The following FAM186A variants were observed in gnomAD, a reference collection of about 807,000 sequenced individuals.
FAM186A encodes family with sequence similarity 186 member A.
In FAM186A, 163 loss-of-function variants were observed where a neutral mutation model predicts 216.8. The ratio of observed to expected loss-of-function variants is 0.75; its 90% CI spans 0.66 to 0.86. The LOEUF (loss-of-function observed/expected upper bound fraction) is 0.86, where lower values mean the gene tolerates loss of function less well. Among genes scored for constraint, FAM186A ranks in the 40% least tolerant of loss-of-function variants. The pLI, the probability that FAM186A is intolerant of heterozygous loss-of-function variation, is 0.00. For synonymous variants in FAM186A, 805 were observed against 1,025.3 expected (o/e 0.79, Z 4.10); for missense variants, 2,184 against 2,746.2 (o/e 0.80, Z 4.58).
In FAM186A at chr12:50,352,409, G is replaced by A. The variant is rs1280049624; in HGVS notation, c.4423C>T (p.Gln1475Ter). The A allele has an allele frequency of 2.6e-6, 4 of 1,549,566 alleles. No homozygotes were observed. The highest frequency in any genetic ancestry group is 2.8e-5 in the African/African-American group (2 of 72,484). The change falls in exon 4 of 8, where the codon CAG becomes TAG. Residue 1475 changes from glutamine (Q) to a stop codon, truncating the protein, a stop_gained. Coordinates refer to ENST00000327337, the MANE Select transcript of FAM186A (RefSeq NM_001145475.3). LOFTEE classifies it high-confidence loss of function. ...QELGIPLTPQ[Q>*]AQALGIPLIP... ...AGAGGGATCCCCAGGGCCTGGGCCT[G>A]CTGAGGGGTGAGAGGGATCCCCAAT...
chr12:50,372,996 AAT>A (rs1476743201), intron 1 of FAM186A, among the ~76,000 whole-genome samples: 18 of 13,772 alleles, frequency 1.3e-3, no homozygotes, highest in South Asian at 3.6e-3. Flanking sequence ...GGAAGGAAGG[AAT>A]GAAAGAAAGA....
chr12:50,374,569 A>C (rs1286326420), intron 1 of FAM186A, among the ~76,000 whole-genome samples: 1 of 152,216 alleles, frequency 6.6e-6, no homozygotes, highest in Non-Finnish European at 1.5e-5. Context: ...TATATACAGA[A>C]AAAGAAGTTG....
chr12:50,333,565 A>T (rs1234060352), intron 5 of FAM186A, among the ~76,000 whole-genome samples: 2 of 152,064 alleles, frequency 1.3e-5, no homozygotes, highest in African/African-American at 4.8e-5. Flanking sequence ...AAAAAAGGCC[A>T]TTTGAAAGAT....
chr12:50,330,672 G>A lies in FAM186A; in HGVS notation c.6935C>T (p.Ser2312Leu). The change falls in exon 7 of 8, where the codon TCA becomes TTA. Residue 2312 changes from serine (S) to leucine (L), a missense_variant. Coordinates refer to ENST00000327337, the MANE Select transcript of FAM186A (RefSeq NM_001145475.3). ...GTACCCACCCAGCTGGGCCCAGAGT[G>A]AATGCATAGATGTCTTCTCTGCTAT... ...YPIAEKTSMHSLWAQLGGYPD... is the reference protein window; with the variant it reads ...YPIAEKTSMHLLWAQLGGYPD... The A allele has an allele frequency of 2.6e-6, 4 of 1,550,418 alleles. No individual in the cohort carries two copies. Among genetic ancestry groups the A allele is most frequent in the South Asian group, 2.4e-5 (2 of 83,502 alleles).
chr12:50,376,196 G>A (rs898729893), intron 1 of FAM186A, among the ~76,000 whole-genome samples: 5 of 152,168 alleles, frequency 3.3e-5, no homozygotes, highest in Admixed American at 2.0e-4. Flanking sequence ...CACACGGTCC[G>A]GGGGCATGTC....
rs1942945190 is a variant in FAM186A at position 50,354,139 on chromosome 12, G to T, written c.2693C>A (p.Pro898Gln). 2 of 1,551,514 alleles carry T rather than the reference G, an allele frequency of 1.3e-6. No individual in the cohort carries two copies. The highest frequency in any genetic ancestry group is 3.9e-5 in the Admixed American group (2 of 50,962). The change falls in exon 4 of 8, where the codon CCA becomes CAA. Residue 898 changes from proline (P) to glutamine (Q), a missense_variant. Pro to Gln is a moderately conservative substitution (Grantham distance 76). This residue lies in a region of FAM186A where 1,132 missense variants were observed against 1,263.4 expected (regional missense o/e 0.90). Coordinates refer to ENST00000327337, the MANE Select transcript of FAM186A (RefSeq NM_001145475.3). ...MWKEEQKQAT[P>Q]KQAEQEEKQK... is the part of the protein sequence containing the mutation. Reference sequence around the variant, plus strand: ...CTTTTCCTCTTGCTCAGCCTGCTTTGGAGTTGCCTGTTTTTGCTCTTCCTT... The same window carrying T: ...CTTTTCCTCTTGCTCAGCCTGCTTTTGAGTTGCCTGTTTTTGCTCTTCCTT...
chr12:50,359,553 C>A (rs937122860), intron 3 of FAM186A, among the ~76,000 whole-genome samples: 2 of 152,040 alleles, frequency 1.3e-5, no homozygotes, highest in African/African-American at 4.8e-5. Context: ...TATGTCCTAG[C>A]AATTCGACTC....
intron 1 of FAM186A, among the ~76,000 whole-genome samples, chr12:50,384,242 C>A (rs1299385218): frequency 2.0e-5 from 3 of 151,868 alleles, no homozygotes. Flanking sequence ...TCAAGACCAG[C>A]CCGGGCAACA....
intron 1 of FAM186A, among the ~76,000 whole-genome samples, chr12:50,385,065 A>G (rs1338400813): frequency 6.7e-6 from 1 of 149,926 alleles, no homozygotes; most frequent in East Asian, 2.1e-4. Context: ...TTGGCCTCCC[A>G]AAGTGCTGGG....
chr12:50,363,085 A>T (rs1943051657), intron 2 of FAM186A, 60 bp downstream of exon 2: 2 of 1,345,650 alleles, frequency 1.5e-6, no homozygotes, highest in African/African-American at 3.0e-5. Context: ...TTACTTATAT[A>T]TTCTCTTCTC....
intron 7 of FAM186A, 136 bp from the exon 8 acceptor site, chr12:50,327,540 CT>C (rs781530836): frequency 0.15 from 72,871 of 471,322 alleles, 1 homozygote; most frequent in South Asian, 0.19. Flanking sequence ...GTATGTAATC[CT>C]TTTTTTTTTT....
In FAM186A at chr12:50,351,273, C is replaced by CCAG. The variant is rs1450993184; in HGVS notation, c.5556_5558dup (p.Leu1852_Trp1853insCys). The CCAG allele has an allele frequency of 1.3e-6, 2 of 1,549,616 alleles. No individual in the cohort carries two copies. The highest frequency in any genetic ancestry group is 4.9e-5 in the East Asian group (2 of 40,914). On this transcript the variant is annotated inframe_insertion, in exon 4 of 8. Transcript: ENST00000327337. ...AGGGCTGCCCAGGAGAAAGAGGAGC[C>CCAG]CAGAGACTTGGAATCTGTCCAGAAG...
Position 50,350,419 on chromosome 12 carries a change from G to A in FAM186A, c.6413C>T (p.Thr2138Ile), listed in dbSNP as rs1427023589. The A allele has an allele frequency of 6.4e-7, 1 of 1,551,366 alleles. No individual in the cohort carries two copies. The highest frequency in any genetic ancestry group is 1.4e-5 in the African/African-American group (1 of 73,000). ...LPSQLHTMAR[T>I]LIIEILHMDT... ...CATATGAAGTATCTCAATTATGAGA[G>A]TCCTAGCCATTGTGTGTAGCTGTGA... The change falls in exon 4 of 8, where the codon ACT (threonine) becomes ATT (isoleucine). Residue 2138 changes from threonine (T) to isoleucine (I), a missense_variant. Transcript: ENST00000327337.
At chr12:50,343,151 A>G (rs895460079) in intron 4 of FAM186A, among the ~76,000 whole-genome samples, 1 of 151,750 alleles carries the variant, frequency 6.6e-6, no homozygotes, top group Non-Finnish European at 1.5e-5. Flanking sequence ...GGAAGTTGAG[A>G]CTGCAGTGTA....
intron 1 of FAM186A, among the ~76,000 whole-genome samples, chr12:50,373,011 GAAAGAA>G (rs1943159554): frequency 9.4e-6 from 1 of 106,226 alleles, no homozygotes; most frequent in Admixed American, 1.0e-4. Flanking sequence ...AAGAAAGAAA[GAAAGAA>G]AGAAAGAAAG....
chr12:50,351,349 G>A lies in FAM186A; in HGVS notation c.5483C>T (p.Ser1828Phe). 2 of 1,486,938 alleles carry A rather than the reference G, an allele frequency of 1.3e-6. No homozygotes were observed. The highest frequency in any genetic ancestry group is 1.8e-6 in the Non-Finnish European group (2 of 1,120,686). 92.1% of individuals were successfully genotyped at this position (1,486,938 alleles called of 1,614,324 possible). The change falls in exon 4 of 8, where the codon TCT becomes TTT. Residue 1828 changes from serine (S) to phenylalanine (F), a missense_variant. Physicochemically the swap from Ser to Phe is radical, Grantham distance 155. Around this residue, in one of 7 missense-constraint regions of FAM186A, gnomAD observed 721 missense variants for 816.4 expected, o/e 0.88. Transcript: ENST00000327337. ...CTGCCCTGGAGTGGGAGGGGCCCGA[G>A]ATATTGGGAGCTGCCCAGGGGAGGG... The part of the protein sequence containing the change: ...APPSPGQLPI[S>F]RAPPTPGQPF...
intron 1 of FAM186A, among the ~76,000 whole-genome samples, chr12:50,395,149 G>T (rs1943401593): frequency 6.6e-6 from 1 of 152,116 alleles, no homozygotes; most frequent in Admixed American, 6.6e-5. Context: ...TGCTGAGTGG[G>T]GTGCAGTAGT....
chr12:50,333,834 G>A (rs1565878533), intron 5 of FAM186A, 77 bp downstream of exon 5: 1 of 1,337,674 alleles, frequency 7.5e-7, no homozygotes, highest in Non-Finnish European at 1.0e-6. Flanking sequence ...GGTGTCTCCA[G>A]GTAAATGTCA....
Position 50,353,670 on chromosome 12 carries a change from T to C in FAM186A, c.3162A>G (p.Leu1054=). The change falls in exon 4 of 8, where the codon CTA becomes CTG. Residue 1054 remains leucine (L), a synonymous_variant. Transcript: ENST00000327337. ...EPISITPPPS[L]QYSLPGALPI... is the part of the protein sequence containing the mutation. Reference sequence around the variant, plus strand: ...GAAGAGCTCCAGGCAGGGAGTATTGTAGGGAGGGGGGAGGTGTGATTGATA... The same window carrying C: ...GAAGAGCTCCAGGCAGGGAGTATTGCAGGGAGGGGGGAGGTGTGATTGATA... 1.3e-6 allele frequency: 2 copies of C among 1,538,062 alleles called. No individual in the cohort carries two copies. Among genetic ancestry groups the C allele is most frequent in the Non-Finnish European group, 8.8e-7 (1 of 1,141,936 alleles).
Sources: gnomAD v4.1 joint callset for allele counts (sites outside exome capture counted in the v4.1 genomes callset) on GRCh38, gnomAD v4.1.1 for gene constraint, gnomAD v4.1.1 regional missense constraint, MANE v1.5 for transcripts, NCBI Gene and HGNC (gene_info 2026-07-23, HGNC 2026-07-21) for gene names.